Variants in DNAJC5 observed in about 807,000 individuals in gnomAD.
DNAJC5 encodes DnaJ heat shock protein family (Hsp40) member C5, also known as dnaJ homolog subfamily C member 5.
A neutral mutation model predicts 23.2 loss-of-function variants in DNAJC5; 1 was observed. The observed-to-expected ratio is 0.04, with a 90% confidence interval of 0.02 to 0.20. The LOEUF is 0.20. DNAJC5 is among the 10% of genes least tolerant of loss of function. The pLI, the probability that DNAJC5 is intolerant of heterozygous loss-of-function variation, is 1.00. For synonymous variants in DNAJC5, 136 were observed against 120.0 expected (o/e 1.13, Z -0.87); for missense variants, 180 against 267.0 (o/e 0.67, Z 2.27).
intron 1 of DNAJC5, among the ~76,000 whole-genome samples, chr20:63,905,102 CT>C (rs537351736): frequency 3.8e-3 from 513 of 136,394 alleles, no homozygotes; most frequent in South Asian, 7.0e-3. Flanking sequence ...CCGTGCCTGG[CT>C]TTTTTTTTTT....
intron 1 of DNAJC5, among the ~76,000 whole-genome samples, chr20:63,908,076 G>T (rs996129663): frequency 6.6e-6 from 1 of 152,156 alleles, no homozygotes. Flanking sequence ...CTGAAATTTC[G>T]CATGTTTTAC....
At chr20:63,923,401 C>T (rs1218784367) in intron 1 of DNAJC5, among the ~76,000 whole-genome samples, 1 of 151,754 alleles carries the variant, frequency 6.6e-6, no homozygotes. Flanking sequence ...AAGATCGCAC[C>T]ACTGCACTCC....
At chr20:63,921,436 A>G (rs1245666951) in intron 1 of DNAJC5, among the ~76,000 whole-genome samples, 2 of 151,890 alleles carry the variant, frequency 1.3e-5, no homozygotes, top group African/African-American at 4.8e-5. Flanking sequence ...CTAAAACTGC[A>G]AAAAATTAGC....
At chr20:63,909,504 A>G (rs1284516277) in intron 1 of DNAJC5, among the ~76,000 whole-genome samples, 1 of 151,982 alleles carries the variant, frequency 6.6e-6, no homozygotes, top group Non-Finnish European at 1.5e-5. Flanking sequence ...TTCCGTCTCA[A>G]AAACAACAAC....
intron 1 of DNAJC5, among the ~76,000 whole-genome samples, chr20:63,902,361 T>A (rs1422934829): frequency 4.8e-5 from 4 of 83,610 alleles, no homozygotes; most frequent in Admixed American, 1.5e-4. Flanking sequence ...GCCTCATCTT[T>A]TTTTTTTTTT....
chr20:63,925,285 A>G (rs1406470354), intron 1 of DNAJC5, among the ~76,000 whole-genome samples: 2 of 152,286 alleles, frequency 1.3e-5, no homozygotes, highest in African/African-American at 2.4e-5. Context: ...GGAGTTCAAG[A>G]CCATCCTGGT....
chr20:63,903,464 C>T (rs1287453940), intron 1 of DNAJC5, among the ~76,000 whole-genome samples: 2 of 152,056 alleles, frequency 1.3e-5, no homozygotes, highest in African/African-American at 4.8e-5. Context: ...TGCGCCACTA[C>T]GCCCGGCTGA....
intron 1 of DNAJC5, among the ~76,000 whole-genome samples, chr20:63,918,536 A>G (rs1826304041): frequency 6.6e-6 from 1 of 152,258 alleles, no homozygotes; most frequent in Admixed American, 6.5e-5. Flanking sequence ...ATAATTTTCC[A>G]GTTTTTAAAT....
chr20:63,913,456 G>T (rs1315961416), intron 1 of DNAJC5, among the ~76,000 whole-genome samples: 1 of 151,702 alleles, frequency 6.6e-6, no homozygotes, highest in Non-Finnish European at 1.5e-5. Context: ...GAGTGCAGTG[G>T]TGCGGTCTCA....
At chr20:63,916,580 G>A (rs891009645) in intron 1 of DNAJC5, among the ~76,000 whole-genome samples, 6 of 152,202 alleles carry the variant, frequency 3.9e-5, no homozygotes, top group Non-Finnish European at 5.9e-5. Context: ...TGCATGTATT[G>A]TCTTGATAAA....
At chr20:63,926,063 C>G (rs754343822) in intron 1 of DNAJC5, among the ~76,000 whole-genome samples, 1 of 152,088 alleles carries the variant, frequency 6.6e-6, no homozygotes, top group African/African-American at 2.4e-5. Flanking sequence ...CTCCTGATCT[C>G]GTGATCTGCC....
Position 63,920,113 on chromosome 20 carries a change from C to G in DNAJC5, c.-11-8222C>G, listed in dbSNP as rs985563256. Among the ~76,000 whole-genome samples, 3 of 146,870 alleles carry G rather than the reference C, an allele frequency of 2.0e-5. No homozygotes were observed. The highest frequency in any genetic ancestry group is 4.5e-5 in the Non-Finnish European group (3 of 66,374). ...GCTGTGTGGACATGTGCCCAGGGCCCGGGACAGCGCCACGGAAGAGGACGC... is the reference window on the plus strand; with the variant it reads ...GCTGTGTGGACATGTGCCCAGGGCCGGGGACAGCGCCACGGAAGAGGACGC... On this transcript the variant is annotated intron_variant, in intron 1 of 4. Transcript: ENST00000360864. The surrounding 1 kb of genome is among the most constrained non-coding windows in gnomAD (Gnocchi z 4.6).
chr20:63,899,870 T>C (rs550628031), intron 1 of DNAJC5, among the ~76,000 whole-genome samples: 2,280 of 142,256 alleles, frequency 0.016, 34 homozygotes, highest in African/African-American at 0.042. Context: ...TGTGAGCCAC[T>C]GCGCCTGGGC....
chr20:63,907,477 A>T (rs2053454978), intron 1 of DNAJC5, among the ~76,000 whole-genome samples: 1 of 152,108 alleles, frequency 6.6e-6, no homozygotes, highest in African/African-American at 2.4e-5. Flanking sequence ...CAAAGAGGAG[A>T]TCGACATGGG....
In DNAJC5 at chr20:63,933,476, A is replaced by G. The variant is rs919690534; in HGVS notation, c.*1908A>G. The stretch of plus-strand genomic sequence containing the variant: ...TTTGTTTCTTCTCACTAAAATGATC[A>G]CGAAGACCTTTGACAAGAGGAGAGA... On this transcript the variant is annotated 3_prime_UTR_variant, in exon 5 of 5. Transcript: ENST00000360864. 1.3e-5 allele frequency: 2 copies of G among 152,354 alleles called. No individual in the cohort carries two copies. Among genetic ancestry groups the G allele is most frequent in the Non-Finnish European group, 2.9e-5 (2 of 68,034 alleles). The allele number at this position is 152,354 out of a possible 1,614,324, so 9.4% of individuals were successfully genotyped here.
rs1364302742 is a variant in DNAJC5, at chr20:63,920,353, G to A, written c.-11-7982G>A. Among the ~76,000 whole-genome samples the A allele has an allele frequency of 1.3e-5, 2 of 152,258 alleles. No homozygotes were observed. The highest frequency in any genetic ancestry group is 2.4e-5 in the African/African-American group (1 of 41,470). Reference sequence around the variant, plus strand: ...GGAACAGGTAGTCCTGCGTCGGACCGGGAAGTGTGGTGGGTGTGGTGGGGG... The same window carrying A: ...GGAACAGGTAGTCCTGCGTCGGACCAGGAAGTGTGGTGGGTGTGGTGGGGG... On this transcript the variant is annotated intron_variant, in intron 1 of 4. Coordinates refer to ENST00000360864, the MANE Select transcript of DNAJC5 (RefSeq NM_025219.3). The surrounding 1 kb of genome is among the most constrained non-coding windows in gnomAD (Gnocchi z 4.6).
chr20:63,909,751 AT>A (rs1225244320), intron 1 of DNAJC5, among the ~76,000 whole-genome samples: 1 of 152,236 alleles, frequency 6.6e-6, no homozygotes, highest in Non-Finnish European at 1.5e-5. Flanking sequence ...TGCTGGTTTT[AT>A]GCCTTTTCTT....
At chr20:63,911,733 G>A (rs190937415) in intron 1 of DNAJC5, among the ~76,000 whole-genome samples, 109 of 152,032 alleles carry the variant, frequency 7.2e-4, no homozygotes, top group Admixed American at 1.6e-3. Flanking sequence ...GAGTGCGGTG[G>A]CGCGATCTCG....
At chr20:63,912,640 G>A (rs774363727) in intron 1 of DNAJC5, among the ~76,000 whole-genome samples, 8 of 152,154 alleles carry the variant, frequency 5.3e-5, no homozygotes, top group Non-Finnish European at 1.2e-4. Context: ...TCGCTCTGTC[G>A]CCCAGGCTGC....
Sources: allele counts gnomAD v4.1 joint callset (sites outside exome capture counted in the v4.1 genomes callset), GRCh38; gene constraint gnomAD v4.1.1; non-coding constraint Gnocchi (gnomAD v3.1); transcripts MANE v1.5; gene names NCBI Gene and HGNC (gene_info 2026-07-23, HGNC 2026-07-21).